Variants in ODF2L observed in about 807,000 individuals in gnomAD.
ODF2L encodes outer dense fiber of sperm tails 2 like, also known as protein BCAP.
A neutral mutation model predicts 86.3 loss-of-function variants in ODF2L; 76 were observed. The observed-to-expected ratio is 0.88, with a 90% confidence interval of 0.73 to 1.07. The LOEUF (loss-of-function observed/expected upper bound fraction) is 1.07, where lower values mean the gene tolerates loss of function less well. Ranked by LOEUF, ODF2L falls within the 50% of genes least tolerant of loss-of-function variation. The pLI is 0.00. For synonymous variants in ODF2L, 241 were observed against 231.3 expected, an observed-to-expected ratio of 1.04 and a Z score of -0.38; for missense variants, 748 against 717.4, an observed-to-expected ratio of 1.04 and a Z score of -0.49.
At chr1:86,349,056 A>C, downstream of ODF2L, 2 of 471,796 alleles carry the variant, frequency 4.2e-6, no homozygotes, top group Non-Finnish European at 6.5e-6. Context: ...TAATAATTAA[A>C]GCACACACAT....
intron 4 of ODF2L, among the ~76,000 whole-genome samples, chr1:86,384,193 T>C (rs1660775733): frequency 6.6e-6 from 1 of 151,780 alleles, no homozygotes; most frequent in African/African-American, 2.4e-5. Flanking sequence ...AAGAATAATT[T>C]AGGTGATTTA....
intron 4 of ODF2L, among the ~76,000 whole-genome samples, chr1:86,383,630 T>C (rs1245364001): frequency 6.6e-6 from 1 of 151,792 alleles, no homozygotes; most frequent in African/African-American, 2.4e-5. Context: ...AATGAGATCA[T>C]AGAAGACTAT....
rs578105956 is a variant in ODF2L at position 86,387,306 on chromosome 1, G to C, written c.-59-220C>G. On this transcript the variant is annotated intron_variant, in intron 1 of 17. Coordinates refer to ENST00000317336, the Ensembl canonical transcript of ODF2L. ...CAATTTCCATACACTGTTTCCAAAAGGCCTGATAATTCCTAAATAATCACA... is the reference window on the plus strand; with the variant it reads ...CAATTTCCATACACTGTTTCCAAAACGCCTGATAATTCCTAAATAATCACA... Among the ~76,000 whole-genome samples, 3 of 152,184 alleles carry C rather than the reference G, an allele frequency of 2.0e-5. No homozygotes were observed. The East Asian group carries it at 5.8e-4, about 29-fold the overall frequency.
At chr1:86,378,746 C>T (rs1660354378) in intron 7 of ODF2L, among the ~76,000 whole-genome samples, 1 of 152,008 alleles carries the variant, frequency 6.6e-6, no homozygotes, top group Non-Finnish European at 1.5e-5. Context: ...ATGGGGGAAA[C>T]CACCCCCATG....
At chr1:86,355,458 C>A in intron 14 of ODF2L, 1 of 781,858 alleles carries the variant, frequency 1.3e-6, no homozygotes, top group South Asian at 1.6e-5. Context: ...GTAATTTAGG[C>A]TAATCTATGT....
intron 7 of ODF2L, among the ~76,000 whole-genome samples, chr1:86,377,480 T>C (rs1660257611): frequency 6.6e-6 from 1 of 152,160 alleles, no homozygotes; most frequent in East Asian, 1.9e-4. Flanking sequence ...ATGTGGGGTC[T>C]CCAACCCCAT....
chr1:86,376,226 T>C lies in ODF2L; in HGVS notation c.810+7A>G. 9.6e-6 allele frequency: 15 copies of C among 1,556,864 alleles called. No individual in the cohort carries two copies. The highest frequency in any genetic ancestry group is 1.3e-5 in the Non-Finnish European group (15 of 1,132,266). On this transcript the variant is annotated splice_region_variant and intron_variant, in intron 8 of 17. Transcript: ENST00000317336. ...CTTTTAATTTTAAAAAGAATGCATT[T>C]ACATACCTGATCTCTAATTTGGGAA...
intron 10 of ODF2L, among the ~76,000 whole-genome samples, chr1:86,369,875 T>A (rs976754321): frequency 1.7e-4 from 26 of 152,162 alleles, no homozygotes; most frequent in African/African-American, 6.3e-4. Flanking sequence ...ATCTCAAGTT[T>A]CCATCAGAAA....
rs563575388 is a variant in ODF2L at position 86,355,296 on chromosome 1, A to G, written c.1519-437T>C. The G allele has an allele frequency of 7.9e-5, 96 of 1,218,658 alleles. No homozygotes were observed. The African/African-American group carries it at 1.0e-3, about 13-fold the overall frequency. The allele number at this position is 1,218,658 out of a possible 1,614,324, so 75.5% of individuals were successfully genotyped here. A position where few individuals can be genotyped will look rare whatever the true frequency, so the allele number is the denominator to read the frequency against. On this transcript the variant is annotated intron_variant, in intron 14 of 17. Transcript: ENST00000317336. ...GAAGTCGAAACTGTAAATAAAATAC[A>G]TATTTTTTTGAGAAGCAAAGTGAAC...
At chr1:86,358,790 C>T (rs1229524613) in exon 13 of ODF2L, 1 of 1,248,048 alleles carries the variant, frequency 8.0e-7, no homozygotes, top group South Asian at 1.4e-5. Context: ...AACGTACCTT[C>T]TCTACATTTT....
intron 7 of ODF2L, among the ~76,000 whole-genome samples, chr1:86,380,964 A>AC (rs1010262257): frequency 6.6e-6 from 1 of 151,668 alleles, no homozygotes; most frequent in African/African-American, 2.4e-5. Flanking sequence ...CAAAAAAAAA[A>AC]CAACACAAAA....
chr1:86,388,367 T>G lies in ODF2L; in HGVS notation c.-59-1281A>C, dbSNP rs545115060. Among the ~76,000 whole-genome samples the G allele has an allele frequency of 2.0e-5, 3 of 152,212 alleles. No individual in the cohort carries two copies. The South Asian group carries it at 6.2e-4, about 32-fold the overall frequency. ...CTAATTCATTCAGTTGCAATAGCTA[T>G]CCCCATACAGAAAGCAACTGGTACC... On this transcript the variant is annotated intron_variant, in intron 1 of 17. Coordinates refer to ENST00000317336, the Ensembl canonical transcript of ODF2L.
chr1:86,386,344 A>G (rs899447106), intron 2 of ODF2L: 1 of 151,712 alleles, frequency 6.6e-6, no homozygotes, highest in East Asian at 1.9e-4. Context: ...GCTTTATTTT[A>G]CAAATTCTTA....
intron 7 of ODF2L, among the ~76,000 whole-genome samples, chr1:86,380,648 CCT>C (rs1370929341): frequency 2.6e-5 from 4 of 152,108 alleles, no homozygotes; most frequent in Non-Finnish European, 4.4e-5. Context: ...TTAAAAATAA[CCT>C]CTCATTTGCC....
chr1:86,385,497 T>G (rs951457667), exon 3 of ODF2L: 2 of 1,599,640 alleles, frequency 1.3e-6, no homozygotes, highest in Non-Finnish European at 1.7e-6. Flanking sequence ...CCTTAAATAG[T>G]GGCAAAAGCA....
chr1:86,394,927 G>A (rs1044213774), intron 1 of ODF2L, among the ~76,000 whole-genome samples: 2 of 141,064 alleles, frequency 1.4e-5, no homozygotes, highest in South Asian at 4.6e-4. Flanking sequence ...GGCAAGCTCC[G>A]CCTCCTGGGT....
chr1:86,393,355 T>C (rs376006479), intron 1 of ODF2L, among the ~76,000 whole-genome samples: 4 of 150,058 alleles, frequency 2.7e-5, no homozygotes, highest in African/African-American at 9.8e-5. Flanking sequence ...TGGACACTAG[T>C]CAAACGTTTA....
chr1:86,353,573 G>GGAAA (rs1324083973), intron 16 of ODF2L, among the ~76,000 whole-genome samples: 5 of 152,160 alleles, frequency 3.3e-5, no homozygotes, highest in African/African-American at 1.2e-4. Context: ...TTCTAAGGAA[G>GGAAA]CCTATTTGTA....
rs189362727 is a variant in ODF2L, at chr1:86,352,793, A to G, written c.1893+66T>C. ...AATAGACTTGATTCACTCACTTTGT[A>G]TTTTCTACATGGTAAGAATGTTAAA... On this transcript the variant is annotated intron_variant, in intron 17 of 17. Coordinates refer to ENST00000317336, the Ensembl canonical transcript of ODF2L. 952 of 981,512 alleles carry G rather than the reference A, an allele frequency of 9.7e-4. 23 individuals are homozygous for G. The Admixed American group carries it at 0.023, about 23-fold the overall frequency. The allele number at this position is 981,512 out of a possible 1,614,324, so 60.8% of individuals were successfully genotyped here.
Sources: gnomAD v4.1 joint callset for allele counts (sites outside exome capture counted in the v4.1 genomes callset) on GRCh38, gnomAD v4.1.1 for gene constraint, MANE v1.5 for transcripts, NCBI Gene and HGNC (gene_info 2026-07-23, HGNC 2026-07-21) for gene names.